The following KBTBD12 variants were observed in gnomAD, a reference collection of about 807,000 sequenced individuals.
KBTBD12 encodes kelch repeat and BTB domain-containing protein 12.
KBTBD12 carries 53 observed loss-of-function variants against 58.7 expected under a neutral mutation model. That is an observed-to-expected ratio of 0.90 (90% confidence interval 0.72 to 1.14). The LOEUF (loss-of-function observed/expected upper bound fraction) is 1.14, where lower values mean the gene tolerates loss of function less well. Among genes scored for constraint, KBTBD12 ranks in the 50% most tolerant of loss-of-function variants. The pLI is 0.00. For synonymous variants in KBTBD12, 236 were observed against 259.8 expected (o/e 0.91, Z 0.88); for missense variants, 704 against 751.3 (o/e 0.94, Z 0.74).
intron 1 of KBTBD12, among the ~76,000 whole-genome samples, chr3:127,919,823 CACATGGTTT>C (rs1213285309): frequency 6.6e-6 from 1 of 152,162 alleles, no homozygotes; most frequent in African/African-American, 2.4e-5. Flanking sequence ...TGATAATTCA[CACATGGTTT>C]ACATGGTTTA....
intron 4 of KBTBD12, among the ~76,000 whole-genome samples, chr3:127,949,748 C>G (rs1332898598): frequency 6.6e-6 from 1 of 152,148 alleles, no homozygotes; most frequent in Non-Finnish European, 1.5e-5. Context: ...GTAGCTAGGT[C>G]TTGAAATTCC....
intron 4 of KBTBD12, among the ~76,000 whole-genome samples, chr3:127,961,717 T>G (rs1158456944): frequency 6.7e-6 from 1 of 148,274 alleles, no homozygotes; most frequent in Non-Finnish European, 1.5e-5. Context: ...AAATTAAACT[T>G]CTCATTCTTC....
At chr3:127,958,488 G>T (rs937088299) in intron 4 of KBTBD12, among the ~76,000 whole-genome samples, 1 of 152,128 alleles carries the variant, frequency 6.6e-6, no homozygotes, top group East Asian at 1.9e-4. Context: ...GCCCAGACTC[G>T]ACTGAAAATC....
rs772083622 is a variant in KBTBD12, at chr3:127,930,186, T to C, written c.1395T>C (p.Tyr465=). ...GATTAAGCAACAAACTGTTGCAGTA[T>C]GACCCCAGCCAAGATCAATGGAGTG... ...PDRLSNKLLQ[Y]DPSQDQWSVR... is the part of the protein sequence containing the mutation. The change falls in exon 4 of 6, where the codon TAT becomes TAC. Residue 465 remains tyrosine, a synonymous_variant. Coordinates refer to ENST00000405109, the MANE Select transcript of KBTBD12 (RefSeq NM_207335.4). The C allele has an allele frequency of 2.5e-6, 4 of 1,604,840 alleles. No homozygotes were observed. The East Asian group carries it at 6.7e-5, about 27-fold the overall frequency.
chr3:127,974,475 T>C (rs1326019579), intron 5 of KBTBD12, among the ~76,000 whole-genome samples: 1 of 152,098 alleles, frequency 6.6e-6, no homozygotes, highest in Non-Finnish European at 1.5e-5. Flanking sequence ...GTGAACAGGT[T>C]TCTGTATGGG....
intron 5 of KBTBD12, among the ~76,000 whole-genome samples, chr3:127,965,733 T>C (rs775309653): frequency 3.3e-5 from 5 of 152,196 alleles, no homozygotes; most frequent in Non-Finnish European, 5.9e-5. Flanking sequence ...AAATAGTAGG[T>C]TGAACACCTC....
chr3:127,971,517 C>T (rs550366886), intron 5 of KBTBD12, among the ~76,000 whole-genome samples: 2 of 152,344 alleles, frequency 1.3e-5, no homozygotes, highest in African/African-American at 2.4e-5. Flanking sequence ...TCTTGCCAGG[C>T]TCTGGTTTCT....
chr3:127,929,063 C>T (rs1204844286), intron 3 of KBTBD12, among the ~76,000 whole-genome samples: 3 of 151,644 alleles, frequency 2.0e-5, no homozygotes, highest in Admixed American at 2.0e-4. Flanking sequence ...ATGCATAAGC[C>T]CCAAAAACAA....
chr3:127,948,791 TTATC>T (rs1385184353), intron 4 of KBTBD12, among the ~76,000 whole-genome samples: 3 of 152,160 alleles, frequency 2.0e-5, no homozygotes, highest in Non-Finnish European at 4.4e-5. Flanking sequence ...TTACCTAAGA[TTATC>T]TTATGAAATA....
intron 5 of KBTBD12, among the ~76,000 whole-genome samples, chr3:127,970,271 A>G (rs559653419): frequency 6.6e-6 from 1 of 152,224 alleles, no homozygotes; most frequent in Non-Finnish European, 1.5e-5. Context: ...AAAAAAAGAT[A>G]GATAATAACA....
chr3:127,918,628 C>T (rs1375491756), intron 1 of KBTBD12, among the ~76,000 whole-genome samples: 5 of 151,594 alleles, frequency 3.3e-5, no homozygotes, highest in Admixed American at 2.0e-4. Flanking sequence ...AGGAGAATGC[C>T]GTGAACCCAG....
At position 127,923,860 on chromosome 3, in the gene KBTBD12, C is replaced by G; in HGVS notation, c.799C>G (p.Leu267Val). ...IKTPQQHSLN[L>V]RYGMETTSLL... The stretch of plus-strand genomic sequence containing the variant: ...GACACCCCAACAGCACTCTCTAAAT[C>G]TGCGCTATGGTATGGAGACTACCAG... Residue 267 changes from leucine to valine, a missense_variant, in exon 2 of 6, where the codon CTG becomes GTG. Leu to Val is a conservative substitution (Grantham distance 32, BLOSUM62 1). Transcript: ENST00000405109. 6.2e-7 allele frequency: 1 copy of G among 1,613,916 alleles called. No homozygotes were observed. Among genetic ancestry groups the G allele is most frequent in the Non-Finnish European group, 8.5e-7 (1 of 1,179,842 alleles).
chr3:127,966,914 G>A (rs1559773405), intron 5 of KBTBD12, among the ~76,000 whole-genome samples: 3 of 152,226 alleles, frequency 2.0e-5, no homozygotes, highest in African/African-American at 2.4e-5. Flanking sequence ...TCTGAATGAT[G>A]ACATTGGGAG....
At chr3:127,964,875 A>C (rs1276366665) in intron 5 of KBTBD12, among the ~76,000 whole-genome samples, 1 of 152,226 alleles carries the variant, frequency 6.6e-6, no homozygotes, top group African/African-American at 2.4e-5. Flanking sequence ...TAAACATTAC[A>C]TGCCATGCTT....
Position 127,958,620 on chromosome 3 carries a change from A to G in KBTBD12, c.1493-4569A>G, listed in dbSNP as rs1027038641. Among the ~76,000 whole-genome samples the G allele has an allele frequency of 1.8e-4, 27 of 152,136 alleles. 1 individual carries two copies. The highest frequency in any genetic ancestry group is 1.5e-5 in the Non-Finnish European group (1 of 68,020). On this transcript the variant is annotated intron_variant, in intron 4 of 5. Transcript: ENST00000405109. ...GCCCAGCTCCAGAACGTTCTATTAA[A>G]CCAGCTATATGTCCACTCGGAAGTT... is the stretch of plus-strand genomic sequence containing the variant.
At chr3:127,921,952 T>C (rs538079568) in intron 1 of KBTBD12, among the ~76,000 whole-genome samples, 12 of 152,278 alleles carry the variant, frequency 7.9e-5, no homozygotes, top group South Asian at 2.1e-4. Context: ...AGAAATGTAT[T>C]AACTTTTCCC....
intron 4 of KBTBD12, among the ~76,000 whole-genome samples, chr3:127,949,322 A>G (rs572031434): frequency 1.3e-5 from 2 of 152,324 alleles, no homozygotes; most frequent in South Asian, 4.1e-4. Flanking sequence ...CCAGCTGCAC[A>G]ATGAAACAGT....
At chr3:127,928,272 A>C (rs1261873118) in intron 3 of KBTBD12, among the ~76,000 whole-genome samples, 4 of 152,170 alleles carry the variant, frequency 2.6e-5, no homozygotes, top group Admixed American at 2.0e-4. Flanking sequence ...TGCTCTTTAT[A>C]ATCCTCCCAT....
chr3:127,980,012 G>A (rs1272342396), intron 5 of KBTBD12, among the ~76,000 whole-genome samples: 1 of 152,202 alleles, frequency 6.6e-6, no homozygotes, highest in Non-Finnish European at 1.5e-5. Flanking sequence ...TCCTAAATAA[G>A]TCTTGGGTTA....
Sources: allele counts gnomAD v4.1 joint callset (sites outside exome capture counted in the v4.1 genomes callset), GRCh38; gene constraint gnomAD v4.1.1; transcripts MANE v1.5; gene names NCBI Gene and HGNC (gene_info 2026-07-23, HGNC 2026-07-21).